RAP1GDS1: variants seen among roughly 807,000 people sequenced by gnomAD.
RAP1GDS1 encodes the protein Rap1 GTPase-GDP dissociation stimulator 1, also known as RAP1, GTP-GDP dissociation stimulator 1.
Under a neutral mutation model 71.1 loss-of-function variants are expected in RAP1GDS1, and 35 were observed. That is an observed-to-expected ratio of 0.49 (90% CI 0.38 to 0.65). RAP1GDS1 has a LOEUF of 0.65. RAP1GDS1 is among the 30% of genes least tolerant of loss of function. The pLI, the probability that RAP1GDS1 is intolerant of heterozygous loss-of-function variation, is 0.00. For synonymous variants in RAP1GDS1, 229 were observed against 243.1 expected (o/e 0.94, Z 0.54); for missense variants, 663 against 706.1 (o/e 0.94, Z 0.69).
chr4:98,370,842 A>G (rs2110466268), intron 4 of RAP1GDS1, among the ~76,000 whole-genome samples: 1 of 152,234 alleles, frequency 6.6e-6, no homozygotes, highest in African/African-American at 2.4e-5. Flanking sequence ...AAGTGCTGGG[A>G]TTACAGGTGT....
At chr4:98,436,531 T>C (rs1174069761) in intron 13 of RAP1GDS1, among the ~76,000 whole-genome samples, 1 of 152,202 alleles carries the variant, frequency 6.6e-6, no homozygotes, top group Non-Finnish European at 1.5e-5. Context: ...GAGGGAATTA[T>C]GTGATTTATA....
intron 6 of RAP1GDS1, among the ~76,000 whole-genome samples, chr4:98,393,580 A>G (rs1461828082): frequency 6.6e-6 from 1 of 152,184 alleles, no homozygotes; most frequent in Non-Finnish European, 1.5e-5. Flanking sequence ...ATTGGTTCAA[A>G]TCTTTCTTCA....
intron 2 of RAP1GDS1, among the ~76,000 whole-genome samples, chr4:98,299,723 C>T (rs535476811): frequency 2.6e-5 from 4 of 151,990 alleles, no homozygotes; most frequent in Middle Eastern, 3.4e-3. Flanking sequence ...CAACCTCCAC[C>T]TCCCAGGTTC....
At chr4:98,341,242 C>G (rs958562237) in intron 2 of RAP1GDS1, among the ~76,000 whole-genome samples, 16 of 151,980 alleles carry the variant, frequency 1.1e-4, no homozygotes, top group Non-Finnish European at 2.4e-4. Context: ...ATGTGAAAAA[C>G]CAGGTTATGT....
At chr4:98,347,762 T>G (rs1736513619) in intron 3 of RAP1GDS1, among the ~76,000 whole-genome samples, 2 of 152,166 alleles carry the variant, frequency 1.3e-5, no homozygotes, top group South Asian at 2.1e-4. Context: ...GCCTGTTTCT[T>G]TTTAAGTTCA....
At chr4:98,344,179 TC>T (rs1457824946) in intron 3 of RAP1GDS1, among the ~76,000 whole-genome samples, 1 of 152,120 alleles carries the variant, frequency 6.6e-6, no homozygotes, top group Non-Finnish European at 1.5e-5. Flanking sequence ...CATTTCAAGT[TC>T]CAGTTAGATT....
chr4:98,430,094 C>A (rs767456972), intron 12 of RAP1GDS1, among the ~76,000 whole-genome samples: 73 of 152,168 alleles, frequency 4.8e-4, no homozygotes, highest in Admixed American at 2.0e-3. Flanking sequence ...ATCTAACCTC[C>A]CACTTCTCGC....
At chr4:98,273,125 A>G (rs1353156520) in intron 1 of RAP1GDS1, among the ~76,000 whole-genome samples, 1 of 152,168 alleles carries the variant, frequency 6.6e-6, no homozygotes, top group Non-Finnish European at 1.5e-5. Context: ...TCTCCTTTGC[A>G]AAACTTCTTG....
chr4:98,416,971 A>G, intron 8 of RAP1GDS1, 83 bp downstream of exon 8: 1 of 1,446,474 alleles, frequency 6.9e-7, no homozygotes, highest in Admixed American at 2.1e-5. Flanking sequence ...ATACTACCCT[A>G]GACATTTTCT....
At chr4:98,384,310 A>G (rs1413520092) in intron 5 of RAP1GDS1, among the ~76,000 whole-genome samples, 1 of 151,600 alleles carries the variant, frequency 6.6e-6, no homozygotes, top group East Asian at 1.9e-4. Context: ...GGCAGCTGAA[A>G]AGTACTTAGG....
intron 1 of RAP1GDS1, among the ~76,000 whole-genome samples, chr4:98,283,268 A>G (rs566077421): frequency 6.6e-6 from 1 of 152,180 alleles, no homozygotes; most frequent in Admixed American, 6.6e-5. Context: ...TCCAAAATAC[A>G]GTTAGAGCAA....
chr4:98,438,408 C>T (rs1751430354), intron 14 of RAP1GDS1, among the ~76,000 whole-genome samples: 1 of 151,522 alleles, frequency 6.6e-6, no homozygotes, highest in African/African-American at 2.4e-5. Flanking sequence ...CTAATCTACT[C>T]TACCAGTCCC....
At chr4:98,440,825 C>A (rs570660411) in intron 14 of RAP1GDS1, among the ~76,000 whole-genome samples, 88 of 152,288 alleles carry the variant, frequency 5.8e-4, no homozygotes, top group Admixed American at 1.5e-3. Flanking sequence ...TCAAGCGATT[C>A]TCCTGCCTCA....
At chr4:98,433,126 T>C (rs1056958459) in intron 12 of RAP1GDS1, among the ~76,000 whole-genome samples, 7 of 152,098 alleles carry the variant, frequency 4.6e-5, no homozygotes, top group Non-Finnish European at 1.0e-4. Context: ...CCATGAGAAA[T>C]GAGGGCAGAT....
chr4:98,349,295 C>T (rs1253001999), intron 3 of RAP1GDS1, among the ~76,000 whole-genome samples: 1 of 152,156 alleles, frequency 6.6e-6, no homozygotes, highest in Non-Finnish European at 1.5e-5. Flanking sequence ...GGTATTATTT[C>T]TGAGGCCTCT....
At chr4:98,365,653 T>A (rs1264491115) in intron 4 of RAP1GDS1, among the ~76,000 whole-genome samples, 1 of 152,192 alleles carries the variant, frequency 6.6e-6, no homozygotes, top group East Asian at 1.9e-4. Flanking sequence ...TCCTTCTAAT[T>A]GTTCTGAATA....
At chr4:98,435,960 A>G (rs892449455) in intron 13 of RAP1GDS1, among the ~76,000 whole-genome samples, 2 of 151,408 alleles carry the variant, frequency 1.3e-5, no homozygotes. Flanking sequence ...AGTCCCAGCT[A>G]CTTGAGAGGC....
intron 2 of RAP1GDS1, among the ~76,000 whole-genome samples, chr4:98,329,679 C>T (rs1441953032): frequency 6.6e-6 from 1 of 151,492 alleles, no homozygotes; most frequent in African/African-American, 2.4e-5. Context: ...ATCCCAGCTA[C>T]TCGGGAGGCT....
chr4:98,310,037 A>T (rs1324425686), intron 2 of RAP1GDS1, among the ~76,000 whole-genome samples: 7 of 152,078 alleles, frequency 4.6e-5, no homozygotes, highest in Admixed American at 3.9e-4. Context: ...GCTATGTCAT[A>T]CTGCTGTTAA....
Sources: gnomAD v4.1 joint callset for allele counts (sites outside exome capture counted in the v4.1 genomes callset) on GRCh38, gnomAD v4.1.1 for gene constraint, MANE v1.5 for transcripts, NCBI Gene and HGNC (gene_info 2026-07-23, HGNC 2026-07-21) for gene names.